The following AHI1 variants were observed in gnomAD, a reference collection of about 807,000 sequenced individuals.
AHI1 encodes jouberin.
In AHI1, 123 loss-of-function variants were observed where a neutral mutation model predicts 149.3. The observed-to-expected ratio is 0.82, with a 90% CI of 0.71 to 0.96. The LOEUF is 0.96. Ranked by LOEUF, AHI1 falls within the 40% of genes least tolerant of loss-of-function variation. The pLI is 0.00. For synonymous variants in AHI1, 475 were observed against 459.8 expected, an observed-to-expected ratio of 1.03 and a Z score of -0.42; for missense variants, 1,439 against 1,422.7, an observed-to-expected ratio of 1.01 and a Z score of -0.18.
chr6:135,439,738 T>A (rs1785976720), intron 14 of AHI1, among the ~76,000 whole-genome samples: 1 of 152,142 alleles, frequency 6.6e-6, no homozygotes, highest in Non-Finnish European at 1.5e-5. Context: ...GGAAAAGATA[T>A]AAATCTGTGG....
At chr6:135,456,684 T>C (rs1789010342) in intron 9 of AHI1, among the ~76,000 whole-genome samples, 1 of 152,204 alleles carries the variant, frequency 6.6e-6, no homozygotes, top group Non-Finnish European at 1.5e-5. Flanking sequence ...AATCTTCCTG[T>C]TTCCATTCCC....
chr6:135,490,562 A>G (rs1795111510), intron 5 of AHI1, 61 bp downstream of exon 5: 1 of 1,585,956 alleles, frequency 6.3e-7, no homozygotes, highest in Admixed American at 1.7e-5. Flanking sequence ...CATAAAATGC[A>G]GCCATATCTG....
intron 23 of AHI1, among the ~76,000 whole-genome samples, chr6:135,361,791 T>C (rs755450462): frequency 1.2e-4 from 18 of 152,150 alleles, no homozygotes; most frequent in Non-Finnish European, 1.5e-4. Flanking sequence ...TGTATACGTG[T>C]ATGTGTGTAT....
chr6:135,394,642 G>T, intron 23 of AHI1, 134 bp downstream of exon 23: 1 of 1,251,264 alleles, frequency 8.0e-7, no homozygotes, highest in Non-Finnish European at 1.1e-6. Context: ...GGACAAAAGA[G>T]ATGCTAGAAT....
intron 5 of AHI1, among the ~76,000 whole-genome samples, chr6:135,487,163 TTTC>T (rs1241552392): frequency 4.6e-5 from 7 of 152,330 alleles, no homozygotes; most frequent in Middle Eastern, 3.4e-3. Context: ...CTTACTTAAA[TTTC>T]TTATTTCATT....
intron 28 of AHI1, among the ~76,000 whole-genome samples, chr6:135,288,624 A>G (rs1326359311): frequency 6.6e-6 from 1 of 151,966 alleles, no homozygotes; most frequent in Non-Finnish European, 1.5e-5. Flanking sequence ...ACATCTTTTC[A>G]TGTCCATAAA....
chr6:135,308,653 A>G (rs1784803021), intron 26 of AHI1, among the ~76,000 whole-genome samples: 1 of 152,360 alleles, frequency 6.6e-6, no homozygotes, highest in Non-Finnish European at 1.5e-5. Flanking sequence ...TGTGTAAGAA[A>G]ATGAGATGTG....
At chr6:135,297,718 G>A (rs1333956418) in intron 27 of AHI1, among the ~76,000 whole-genome samples, 5 of 151,648 alleles carry the variant, frequency 3.3e-5, no homozygotes, top group Non-Finnish European at 5.9e-5. Flanking sequence ...GGCAGAAAAC[G>A]GATAATAAAA....
At chr6:135,338,768 A>G (rs1401020094) in intron 24 of AHI1, among the ~76,000 whole-genome samples, 2 of 152,192 alleles carry the variant, frequency 1.3e-5, no homozygotes, top group Admixed American at 6.5e-5. Context: ...CAAGTCAACA[A>G]TCTCACAACT....
chr6:135,444,074 A>G (rs1472987685), intron 13 of AHI1, among the ~76,000 whole-genome samples: 1 of 152,210 alleles, frequency 6.6e-6, no homozygotes, highest in African/African-American at 2.4e-5. Flanking sequence ...AAGTCTGATA[A>G]CAACAATAAA....
intron 23 of AHI1, among the ~76,000 whole-genome samples, chr6:135,387,093 A>C (rs1777718307): frequency 6.6e-6 from 1 of 152,046 alleles, no homozygotes; most frequent in African/African-American, 2.4e-5. Context: ...ATGTTGCCCA[A>C]GCTGGTCTCA....
intron 20 of AHI1, among the ~76,000 whole-genome samples, chr6:135,421,513 T>G (rs1431414931): frequency 6.6e-6 from 1 of 152,160 alleles, no homozygotes; most frequent in Admixed American, 6.6e-5. Flanking sequence ...ACAAAACAAG[T>G]GCAGAAAGGT....
chr6:135,487,193 A>G (rs919560436), intron 5 of AHI1, among the ~76,000 whole-genome samples: 1 of 152,128 alleles, frequency 6.6e-6, no homozygotes, highest in Non-Finnish European at 1.5e-5. Flanking sequence ...TTTTAAAAAA[A>G]CTCACTTAAT....
At chr6:135,395,026 T>C (rs1353664281) in intron 22 of AHI1, 130 bp from the exon 23 acceptor site, 2 of 858,600 alleles carry the variant, frequency 2.3e-6, no homozygotes, top group Admixed American at 2.9e-5. Context: ...GGTAATGATG[T>C]ACATGGTTAG....
intron 11 of AHI1, among the ~76,000 whole-genome samples, chr6:135,451,781 A>C (rs2128067208): frequency 6.6e-6 from 1 of 152,292 alleles, no homozygotes; most frequent in East Asian, 1.9e-4. Context: ...GCATAAAAGA[A>C]ATGCAGTTTC....
At chr6:135,301,111 A>T (rs1339400239) in intron 26 of AHI1, 1 of 985,262 alleles carries the variant, frequency 1.0e-6, no homozygotes, top group Non-Finnish European at 1.2e-6. Flanking sequence ...AGCATCGGAT[A>T]CTTCCTTTAG....
chr6:135,372,516 A>C (rs1370334498), intron 23 of AHI1, among the ~76,000 whole-genome samples: 1 of 105,732 alleles, frequency 9.5e-6, no homozygotes, highest in Non-Finnish European at 2.2e-5. Context: ...CGGAAAAAAA[A>C]AGAAAAAAAA....
chr6:135,290,695 G>C (rs1782239324), intron 27 of AHI1, among the ~76,000 whole-genome samples, 170 bp from the exon 28 acceptor site: 1 of 152,186 alleles, frequency 6.6e-6, no homozygotes, highest in South Asian at 2.1e-4. Context: ...ACGGGGATGA[G>C]AGACAAGGAA....
At chr6:135,459,288 A>C in intron 8 of AHI1, among the ~76,000 whole-genome samples, 1 of 152,220 alleles carries the variant, frequency 6.6e-6, no homozygotes, top group Non-Finnish European at 1.5e-5. Flanking sequence ...ATCAATTAAA[A>C]TGGAAATTAG....
Sources: allele counts gnomAD v4.1 joint callset (sites outside exome capture counted in the v4.1 genomes callset), GRCh38; gene constraint gnomAD v4.1.1; transcripts MANE v1.5; gene names NCBI Gene and HGNC (gene_info 2026-07-23, HGNC 2026-07-21).